The following AVEN variants were observed in gnomAD, a reference collection of about 807,000 sequenced individuals.
The protein encoded by AVEN is apoptosis and caspase activation inhibitor.
Under a neutral mutation model 38.1 loss-of-function variants are expected in AVEN, and 41 were observed. The observed-to-expected ratio is 1.08, with a 90% CI of 0.84 to 1.40. The LOEUF is 1.40. AVEN is among the 40% of genes most tolerant of loss of function. AVEN has a pLI of 0.00. For missense variants in AVEN, 605 were observed against 438.8 expected (o/e 1.38, Z -3.38); for synonymous variants, 206 against 171.8 (o/e 1.20, Z -1.56).
intron 1 of AVEN, among the ~76,000 whole-genome samples, chr15:34,008,950 G>GCACACA (rs1491109996): frequency 2.5e-4 from 6 of 23,554 alleles, no homozygotes; most frequent in South Asian, 1.5e-3. Context: ...ACACGTGCGC[G>GCACACA]CGCGCACACA....
At chr15:34,004,983 T>A (rs1005936524) in intron 1 of AVEN, among the ~76,000 whole-genome samples, 2 of 151,584 alleles carry the variant, frequency 1.3e-5, no homozygotes, top group African/African-American at 2.4e-5. Context: ...AAAAAAATAA[T>A]GAGCTTTTAT....
At chr15:33,933,439 A>C (rs1242556297) in intron 2 of AVEN, among the ~76,000 whole-genome samples, 2 of 151,460 alleles carry the variant, frequency 1.3e-5, no homozygotes, top group Non-Finnish European at 2.9e-5. Flanking sequence ...CTCTATGGAA[A>C]CACTCCAATT....
At chr15:33,892,562 C>T (rs1892030939) in intron 2 of AVEN, among the ~76,000 whole-genome samples, 1 of 152,112 alleles carries the variant, frequency 6.6e-6, no homozygotes, top group South Asian at 2.1e-4. Flanking sequence ...TTTCTGAGGG[C>T]TTTGTTCTGT....
intron 2 of AVEN, among the ~76,000 whole-genome samples, chr15:33,917,737 G>A (rs974661024): frequency 1.3e-5 from 2 of 152,112 alleles, no homozygotes; most frequent in African/African-American, 4.8e-5. Context: ...ACTCAGGAAT[G>A]GAAAACTAAA....
chr15:33,905,717 G>A (rs1014099842), intron 2 of AVEN, among the ~76,000 whole-genome samples: 1 of 152,022 alleles, frequency 6.6e-6, no homozygotes, highest in Non-Finnish European at 1.5e-5. Context: ...CCCAGAGGGA[G>A]GCTGAAGTGG....
chr15:33,864,182 C>T (rs745481097), downstream of AVEN: 9 of 1,610,386 alleles, frequency 5.6e-6, no homozygotes, highest in Non-Finnish European at 7.6e-6. Flanking sequence ...ACAGAGCACA[C>T]GGGTCAGGTG....
chr15:33,919,032 T>C (rs1406355504), intron 2 of AVEN, among the ~76,000 whole-genome samples: 1 of 150,530 alleles, frequency 6.6e-6, no homozygotes, highest in African/African-American at 2.4e-5. Flanking sequence ...GCAATTCTCC[T>C]GCCTCAGCCT....
intron 2 of AVEN, among the ~76,000 whole-genome samples, chr15:33,884,685 AG>A (rs1389211583): frequency 6.6e-6 from 1 of 152,216 alleles, no homozygotes; most frequent in African/African-American, 2.4e-5. Context: ...CAACAAAAAA[AG>A]GGCTTTCAGT....
At position 33,860,731 on chromosome 15, in the gene AVEN, T is replaced by C. The variant is rs1039191582; in HGVS notation, n.2730-1637A>G. 3 of 1,137,280 alleles carry C rather than the reference T, an allele frequency of 2.6e-6. No homozygotes were observed. In the African/African-American group the frequency reaches 4.7e-5, roughly 18 times the overall value. 70.4% of individuals were successfully genotyped at this position (1,137,280 alleles called of 1,614,324 possible). On this transcript the variant is annotated intron_variant and non_coding_transcript_variant, in intron 11 of 11. Transcript: ENST00000675287. Reference sequence around the variant, plus strand: ...AGAAGCAAATAGATTTTTTAAACAATAGGTTTTACTATTACTTAGGGCCAG... The same window carrying C: ...AGAAGCAAATAGATTTTTTAAACAACAGGTTTTACTATTACTTAGGGCCAG...
intron 2 of AVEN, 116 bp downstream of exon 2, chr15:34,002,916 A>C (rs1897192321): frequency 9.9e-7 from 1 of 1,014,584 alleles, no homozygotes; most frequent in African/African-American, 1.6e-5. Context: ...TTGAATTAAA[A>C]ATCCAAAGAA....
At chr15:33,989,181 G>A (rs74782359) in intron 2 of AVEN, among the ~76,000 whole-genome samples, 1 of 152,034 alleles carries the variant, frequency 6.6e-6, no homozygotes, top group African/African-American at 2.4e-5. Flanking sequence ...AAGAGAAGAT[G>A]AGTTAATGAT....
downstream of AVEN, among the ~76,000 whole-genome samples, chr15:33,862,978 C>T (rs188478079): frequency 7.6e-4 from 115 of 152,304 alleles, no homozygotes; most frequent in Non-Finnish European, 1.4e-3. Flanking sequence ...TATTTATCAT[C>T]AATTCCCATT....
At chr15:34,043,020 G>T (rs1899539686), upstream of AVEN, among the ~76,000 whole-genome samples, 1 of 151,954 alleles carries the variant, frequency 6.6e-6, no homozygotes, top group Admixed American at 6.6e-5. Context: ...GGCCGAGGTG[G>T]GTGGATCACG....
chr15:33,934,452 A>T (rs1202847929), intron 2 of AVEN, among the ~76,000 whole-genome samples: 1 of 152,222 alleles, frequency 6.6e-6, no homozygotes, highest in Non-Finnish European at 1.5e-5. Context: ...GGGAAATATC[A>T]CACAAAGTGT....
chr15:33,946,655 G>A (rs971895322), intron 2 of AVEN, among the ~76,000 whole-genome samples: 55 of 152,310 alleles, frequency 3.6e-4, no homozygotes, highest in African/African-American at 1.3e-3. Flanking sequence ...TTTTGCTACA[G>A]AGCAGAGATC....
chr15:33,992,389 C>CAAAAAA (rs145900095), intron 2 of AVEN, among the ~76,000 whole-genome samples: 2 of 147,524 alleles, frequency 1.4e-5, no homozygotes, highest in South Asian at 2.2e-4. Context: ...GACTCCGTCT[C>CAAAAAA]AAAAAAAAAG....
At chr15:33,961,627 C>G (rs867342300) in intron 2 of AVEN, among the ~76,000 whole-genome samples, 3 of 151,276 alleles carry the variant, frequency 2.0e-5, no homozygotes, top group Admixed American at 2.0e-4. Flanking sequence ...TTCTGGCTAA[C>G]ACGGTGAAAC....
intron 5 of AVEN, 21 bp downstream of exon 5, chr15:33,867,474 G>A (rs1890666816): frequency 5.8e-6 from 9 of 1,543,726 alleles, no homozygotes; most frequent in Non-Finnish European, 7.8e-6. Context: ...AGATTCACGG[G>A]GAATAAAATG....
At chr15:34,056,179 T>C (rs1900141870) in intron 5 of AVEN, among the ~76,000 whole-genome samples, 1 of 152,246 alleles carries the variant, frequency 6.6e-6, no homozygotes, top group Admixed American at 6.5e-5. Flanking sequence ...TAGTTTCCAG[T>C]GTTTTCTACT....
Sources: gnomAD v4.1 joint callset for allele counts (sites outside exome capture counted in the v4.1 genomes callset) on GRCh38, gnomAD v4.1.1 for gene constraint, MANE v1.5 for transcripts, NCBI Gene and HGNC (gene_info 2026-07-23, HGNC 2026-07-21) for gene names.